SPPL2A: variants seen among roughly 807,000 people sequenced by gnomAD.
SPPL2A encodes the protein signal peptide peptidase like 2A, also known as signal peptide peptidase-like 2A.
SPPL2A carries 51 observed loss-of-function variants against 63.8 expected under a neutral mutation model. That is an observed-to-expected ratio of 0.80 (90% CI 0.64 to 1.01). The LOEUF is 1.01. SPPL2A is among the 50% of genes least tolerant of loss of function. The pLI, the probability that SPPL2A is intolerant of heterozygous loss-of-function variation, is 0.00. For missense variants in SPPL2A, 553 were observed against 622.7 expected (o/e 0.89, Z 1.19); for synonymous variants, 188 against 205.8 (o/e 0.91, Z 0.74).
intron 11 of SPPL2A, 123 bp from the exon 12 acceptor site, chr15:50,725,446 G>A (rs2062679212): frequency 3.2e-6 from 2 of 621,790 alleles, no homozygotes; most frequent in African/African-American, 1.9e-5. Flanking sequence ...TGGAGACAGA[G>A]TCTCGCTCTG....
intron 8 of SPPL2A, among the ~76,000 whole-genome samples, chr15:50,735,391 T>TC (rs1567158744): frequency 8.6e-5 from 13 of 151,880 alleles, no homozygotes; most frequent in African/African-American, 2.9e-4. Flanking sequence ...CTCTCTCTCT[T>TC]TCTCTCTCTC....
At chr15:50,723,956 A>G (rs2062666879) in intron 12 of SPPL2A, among the ~76,000 whole-genome samples, 1 of 152,170 alleles carries the variant, frequency 6.6e-6, no homozygotes, top group Non-Finnish European at 1.5e-5. Context: ...ATTTACTTCA[A>G]TAATGTAGTA....
intron 5 of SPPL2A, among the ~76,000 whole-genome samples, chr15:50,740,447 A>AAAG (rs2062811022): frequency 1.6e-5 from 2 of 128,364 alleles, no homozygotes; most frequent in East Asian, 2.7e-4. Context: ...AAAAAAAAAG[A>AAAG]AAAAAAAAAG....
At chr15:50,719,737 G>GT (rs1269338557) in intron 14 of SPPL2A, among the ~76,000 whole-genome samples, 2 of 149,652 alleles carry the variant, frequency 1.3e-5, no homozygotes, top group Admixed American at 6.7e-5. Context: ...TTTTTTTGTA[G>GT]TTTTGTCTTG....
intron 12 of SPPL2A, 126 bp from the exon 13 acceptor site, chr15:50,722,327 T>C (rs2062655312): frequency 1.8e-6 from 1 of 553,238 alleles, no homozygotes. Flanking sequence ...TTCAAGTACC[T>C]CAAATTCTTG....
At chr15:50,714,959 A>T (rs898393386) in intron 14 of SPPL2A, among the ~76,000 whole-genome samples, 1 of 151,148 alleles carries the variant, frequency 6.6e-6, no homozygotes, top group East Asian at 1.9e-4. Flanking sequence ...CGCCCAAAAA[A>T]TTTTTCTCAA....
chr15:50,748,736 T>C lies in SPPL2A; in HGVS notation c.312A>G (p.Ala104=). The change falls in exon 3 of 15, where the codon GCA becomes GCG. Residue 104 remains alanine, a synonymous_variant. Coordinates refer to ENST00000261854, the MANE Select transcript of SPPL2A (RefSeq NM_032802.4). Reference sequence around the variant, plus strand: ...ACATTGCTTCAGCACCTCCTTTCTGTGCAATTCTGGCTTTTTCAAGAAAAT... The same window carrying C: ...ACATTGCTTCAGCACCTCCTTTCTGCGCAATTCTGGCTTTTTCAAGAAAAT... ...SCHFLEKARI[A]QKGGAEAMLV... is the part of the protein sequence containing the mutation. The C allele has an allele frequency of 1.9e-6, 3 of 1,612,028 alleles. No homozygotes were observed. The highest frequency in any genetic ancestry group is 1.7e-4 in the Middle Eastern group (1 of 6,056).
chr15:50,752,019 C>T (rs772836767), intron 1 of SPPL2A, among the ~76,000 whole-genome samples: 30 of 151,802 alleles, frequency 2.0e-4, no homozygotes, highest in African/African-American at 2.9e-4. Context: ...TTAGTAGAGA[C>T]GGGGTTTTGT....
At chr15:50,740,161 G>T (rs1352333700) in intron 5 of SPPL2A, among the ~76,000 whole-genome samples, 2 of 151,930 alleles carry the variant, frequency 1.3e-5, no homozygotes, top group African/African-American at 4.8e-5. Flanking sequence ...GAGCATGATG[G>T]CTCATGCCTG....
At chr15:50,759,930 G>A (rs1397724292) in intron 1 of SPPL2A, among the ~76,000 whole-genome samples, 2 of 152,104 alleles carry the variant, frequency 1.3e-5, no homozygotes, top group Non-Finnish European at 2.9e-5. Flanking sequence ...TTTTGGGAAA[G>A]AGATATATAG....
chr15:50,725,465 G>A (rs1234113802), intron 11 of SPPL2A, 142 bp from the exon 12 acceptor site: 3 of 565,104 alleles, frequency 5.3e-6, no homozygotes, highest in Non-Finnish European at 9.5e-6. Context: ...TGTCGCCCAA[G>A]TGGAGTGCAG....
At chr15:50,739,579 C>T (rs977077854) in intron 6 of SPPL2A, 101 bp downstream of exon 6, 20 of 798,600 alleles carry the variant, frequency 2.5e-5, no homozygotes, top group African/African-American at 2.0e-4. Flanking sequence ...TATTCACATA[C>T]GTTTTCCAGG....
intron 14 of SPPL2A, among the ~76,000 whole-genome samples, chr15:50,708,313 C>A (rs914735797): frequency 1.3e-5 from 2 of 152,086 alleles, no homozygotes; most frequent in African/African-American, 4.8e-5. Flanking sequence ...ATTATTGACA[C>A]CTTGAAATAA....
intron 1 of SPPL2A, 159 bp from the exon 2 acceptor site, chr15:50,749,905 G>T: frequency 1.6e-6 from 1 of 610,932 alleles, no homozygotes; most frequent in Admixed American, 2.8e-5. Context: ...TAAAAAGGAT[G>T]GTTAGGAATA....
Position 50,765,502 on chromosome 15 carries a change from C to T in SPPL2A, c.32G>A (p.Gly11Glu), listed in dbSNP as rs1201721537. The change falls in exon 1 of 15, where the codon GGG becomes GAG. Residue 11 changes from glycine (G) to glutamate (E), a missense_variant. By Grantham distance (98) the Gly-to-Glu change is moderately conservative. Transcript: ENST00000261854. MGPQRRLSPA[G>E]AALLWGFLLQ... The stretch of plus-strand genomic sequence containing the variant: ...CAGGAAGCCCCAGAGTAGGGCGGCC[C>T]CGGCAGGGGACAGCCGCCGCTGCGG... 1 of 1,502,232 alleles carries T rather than the reference C, an allele frequency of 6.7e-7. No homozygotes were observed. Among genetic ancestry groups the T allele is most frequent in the Admixed American group, 2.1e-5 (1 of 47,366 alleles). 93.1% of individuals were successfully genotyped at this position (1,502,232 alleles called of 1,614,324 possible).
intron 1 of SPPL2A, among the ~76,000 whole-genome samples, chr15:50,750,576 A>G (rs2062898000): frequency 6.6e-6 from 1 of 152,236 alleles, no homozygotes. Context: ...TGCCTATTCA[A>G]AAAGACCAAT....
At chr15:50,731,690 G>A (rs1418095096) in intron 9 of SPPL2A, among the ~76,000 whole-genome samples, 2 of 151,652 alleles carry the variant, frequency 1.3e-5, no homozygotes, top group Non-Finnish European at 2.9e-5. Context: ...CACTTTGGGA[G>A]GCCCAGGTGG....
rs2062653836 is a variant in SPPL2A, at chr15:50,722,180, C to G, written c.1271G>C (p.Arg424Thr). Residue 424 changes from arginine (R) to threonine (T), a missense_variant, in exon 13 of 15, where the codon AGA becomes ACA. Arg to Thr is a moderately conservative substitution (Grantham distance 71). Transcript: ENST00000261854. ...AGAACCAGTCTGAACATCAAATCTT[C>G]TACAGTATGCAATCAACAGGCCTTA... ...IVPGLLIAYC[R>T]RFDVQTGSSY... 11 of 1,594,770 alleles carry G rather than the reference C, an allele frequency of 6.9e-6. No homozygotes were observed. In the African/African-American group the frequency reaches 1.2e-4, roughly 17 times the overall value.
At chr15:50,730,589 A>C (rs1036981307) in intron 10 of SPPL2A, among the ~76,000 whole-genome samples, 2 of 152,182 alleles carry the variant, frequency 1.3e-5, no homozygotes, top group African/African-American at 4.8e-5. Flanking sequence ...GCAAGGTTAC[A>C]GAGCTACATT....
Sources: gnomAD v4.1 joint callset for allele counts (sites outside exome capture counted in the v4.1 genomes callset) on GRCh38, gnomAD v4.1.1 for gene constraint, MANE v1.5 for transcripts, NCBI Gene and HGNC (gene_info 2026-07-23, HGNC 2026-07-21) for gene names.